The following POLR3C variants were observed in gnomAD, a reference collection of about 807,000 sequenced individuals.
POLR3C encodes the protein RNA polymerase III subunit C.
Under a neutral mutation model 65.9 loss-of-function variants are expected in POLR3C, and 44 were observed. The ratio of observed to expected loss-of-function variants is 0.67; its 90% CI spans 0.52 to 0.86. POLR3C has a LOEUF of 0.86. POLR3C is among the 40% of genes least tolerant of loss of function. POLR3C has a pLI of 0.00. For missense variants in POLR3C, 576 were observed against 653.2 expected (o/e 0.88, Z 1.29); for synonymous variants, 263 against 231.6 (o/e 1.14, Z -1.23).
chr1:145,832,806 G>A (rs1651445799), intron 5 of POLR3C, among the ~76,000 whole-genome samples: 1 of 152,164 alleles, frequency 6.6e-6, no homozygotes. Flanking sequence ...CAGATCACCT[G>A]AGGTCAGGAG....
chr1:145,829,480 G>T (rs1553726619), intron 5 of POLR3C, among the ~76,000 whole-genome samples: 1 of 152,110 alleles, frequency 6.6e-6, no homozygotes, highest in Non-Finnish European at 1.5e-5. Flanking sequence ...TTCGTTAATG[G>T]TCTCCCTAGC....
chr1:145,835,433 A>G (rs2101648953), intron 7 of POLR3C, among the ~76,000 whole-genome samples: 1 of 150,186 alleles, frequency 6.7e-6, no homozygotes. Flanking sequence ...AAACAGAGTG[A>G]GACTCTGTCT....
Position 145,842,392 on chromosome 1 carries a change from A to ACATT in POLR3C, c.1578_1581dup (p.Glu528HisfsTer2). On this transcript the variant is annotated frameshift_variant, in exon 15 of 15. Transcript: ENST00000334163. LOFTEE classifies it high-confidence loss of function. ...GAAACCATCTTCCTGCTGGAGTCTT[A>ACATT]CATTGAGTGCACCATGAAGAGACAG... The ACATT allele has an allele frequency of 1.9e-6, 3 of 1,610,654 alleles. No homozygotes were observed. Among genetic ancestry groups the ACATT allele is most frequent in the Non-Finnish European group, 2.5e-6 (3 of 1,177,248 alleles).
intron 5 of POLR3C, among the ~76,000 whole-genome samples, chr1:145,830,900 T>C (rs1251794862): frequency 1.3e-5 from 2 of 151,652 alleles, no homozygotes; most frequent in African/African-American, 4.8e-5. Context: ...GCCCAGGAGT[T>C]TGAGACCAGC....
chr1:145,826,858 T>C lies in POLR3C; in HGVS notation c.442T>C (p.Phe148Leu). Residue 148 changes from phenylalanine (F) to leucine (L), a missense_variant, in exon 4 of 15, where the codon TTT (phenylalanine) becomes CTT (leucine). Transcript: ENST00000334163. The part of the protein sequence containing the change: ...TMDYAEVSNT[F>L]VRLADTHFVQ... The stretch of plus-strand genomic sequence containing the variant: ...GGACTATGCTGAAGTATCAAACACA[T>C]TTGTGCGACTGGCAGACACACACTT... The C allele has an allele frequency of 6.2e-7, 1 of 1,612,092 alleles. No homozygotes were observed. The highest frequency in any genetic ancestry group is 8.5e-7 in the Non-Finnish European group (1 of 1,179,208).
intron 2 of POLR3C, 62 bp downstream of exon 2, chr1:145,825,985 G>A (rs754793082): frequency 7.4e-7 from 1 of 1,346,528 alleles, no homozygotes; most frequent in Non-Finnish European, 1.1e-6. Context: ...ACCCACCTTT[G>A]AATATTGTTC....
chr1:145,828,073 A>G (rs1035889096), intron 4 of POLR3C, among the ~76,000 whole-genome samples: 2 of 152,232 alleles, frequency 1.3e-5, no homozygotes, highest in African/African-American at 4.8e-5. Context: ...CATTTTTGGC[A>G]GAGGGAATAG....
intron 5 of POLR3C, among the ~76,000 whole-genome samples, chr1:145,832,370 A>T (rs906347874): frequency 6.6e-6 from 1 of 152,206 alleles, no homozygotes; most frequent in African/African-American, 2.4e-5. Context: ...TCTAGAGTAG[A>T]AAGAGACTTG....
At chr1:145,836,350 C>A (rs1651837352) in intron 7 of POLR3C, 144 bp from the exon 8 acceptor site, 2 of 637,582 alleles carry the variant, frequency 3.1e-6, no homozygotes, top group Non-Finnish European at 5.6e-6. Flanking sequence ...CAACTCTTGA[C>A]CCAAAGTGAT....
At chr1:145,830,631 T>C (rs1553726880) in intron 5 of POLR3C, among the ~76,000 whole-genome samples, 1 of 151,396 alleles carries the variant, frequency 6.6e-6, no homozygotes, top group Non-Finnish European at 1.5e-5. Flanking sequence ...AAACCCCGTC[T>C]CTACTAAAAA....
In POLR3C at chr1:145,843,971, T is replaced by G. The variant is rs1193569787; in HGVS notation, c.*1551T>G. Among the ~76,000 whole-genome samples the G allele has an allele frequency of 1.3e-5, 2 of 152,166 alleles. No individual in the cohort carries two copies. Among genetic ancestry groups the G allele is most frequent in the Admixed American group, 6.5e-5 (1 of 15,276 alleles). The stretch of plus-strand genomic sequence containing the variant: ...GAAATGGAAATCAAAATCAATGAGA[T>G]AACATCTCACCCCAATTCATTACTT... On this transcript the variant is annotated 3_prime_UTR_variant, in exon 15 of 15. Coordinates refer to ENST00000334163, the MANE Select transcript of POLR3C (RefSeq NM_006468.8).
At position 145,836,523 on chromosome 1, in the gene POLR3C, C is replaced by G. The variant is rs782086446; in HGVS notation, c.906C>G (p.Asn302Lys). 6.8e-6 allele frequency: 11 copies of G among 1,607,698 alleles called. No homozygotes were observed. The highest frequency in any genetic ancestry group is 9.4e-6 in the Non-Finnish European group (11 of 1,174,288). Reference protein sequence around the residue: ...EIFRSLPVGYNISKQVLDQYL... With the variant: ...EIFRSLPVGYKISKQVLDQYL... ...TCAGATCCCTACCTGTTGGCTATAA[C>G]ATCTCTAAGCAAGTTCTTGATCAGT... The change falls in exon 8 of 15, where the codon AAC becomes AAG. Residue 302 changes from asparagine (N) to lysine (K), a missense_variant. By Grantham distance (94) the Asn-to-Lys change is moderately conservative (BLOSUM62 0). Transcript: ENST00000334163.
At position 145,842,537 on chromosome 1, in the gene POLR3C, C is replaced by G. The variant is rs587616169; in HGVS notation, c.*117C>G. On this transcript the variant is annotated 3_prime_UTR_variant, in exon 15 of 15. Coordinates refer to ENST00000334163, the MANE Select transcript of POLR3C (RefSeq NM_006468.8). ...GCAGAGTCTTCAACTAAACCCCCCTCTCTATCCCCTGCAGCCCAGGATACA... is the reference window on the plus strand; with the variant it reads ...GCAGAGTCTTCAACTAAACCCCCCTGTCTATCCCCTGCAGCCCAGGATACA... The G allele has an allele frequency of 4.1e-5, 31 of 752,184 alleles. No homozygotes were observed. The South Asian group carries it at 4.3e-4, about 10-fold the overall frequency. 46.6% of individuals were successfully genotyped at this position (752,184 alleles called of 1,614,324 possible). A position where few individuals can be genotyped will look rare whatever the true frequency, so the allele number is the denominator to read the frequency against.
chr1:145,827,758 CAAAAAA>C (rs1163679762), intron 4 of POLR3C, among the ~76,000 whole-genome samples: 144 of 58,556 alleles, frequency 2.5e-3, no homozygotes, highest in African/African-American at 0.01. Flanking sequence ...GACTCCGTCT[CAAAAAA>C]AAAAAAAAAA....
At position 145,825,881 on chromosome 1, in the gene POLR3C, A is replaced by T; in HGVS notation, c.105A>T (p.Pro35=). ...ATCTGATAAGAACCGGCAGCCAGCC[A>T]CTAAGAGTAATTGCCCATGACACAG... ...GVHLIRTGSQ[P]LRVIAHDTGT... is the part of the protein sequence containing the mutation. The change falls in exon 2 of 15, where the codon CCA becomes CCT. Residue 35 remains proline (P), a synonymous_variant. Transcript: ENST00000334163. The T allele has an allele frequency of 6.2e-7, 1 of 1,613,720 alleles. No homozygotes were observed. Among genetic ancestry groups the T allele is most frequent in the East Asian group, 2.2e-5 (1 of 44,884 alleles).
intron 7 of POLR3C, 124 bp from the exon 8 acceptor site, chr1:145,836,370 T>C: frequency 2.9e-6 from 2 of 678,212 alleles, no homozygotes. Flanking sequence ...TCCACCTGCC[T>C]CAGCCTCCCA....
rs375268580 is a variant in POLR3C, at chr1:145,842,419, G to T, written c.1604G>T (p.Ter535LeuextTer36). The stretch of plus-strand genomic sequence containing the variant: ...ATTGAGTGCACCATGAAGAGACAGT[G>T]ATCCAGAAGAAGCATCTTCCTCAGA... The part of the protein sequence containing the change: ...SYIECTMKRQ[*>L] Residue 535 changes from the stop codon to leucine (L), a stop_lost, in exon 15 of 15, where the codon TGA becomes TTA. Transcript: ENST00000334163. 6.3e-7 allele frequency: 1 copy of T among 1,593,112 alleles called. No homozygotes were observed. The highest frequency in any genetic ancestry group is 8.6e-7 in the Non-Finnish European group (1 of 1,161,680).
chr1:145,842,657 T>C lies in POLR3C; in HGVS notation c.*237T>C, dbSNP rs1419045918. 2.6e-5 allele frequency among the ~76,000 whole-genome samples: 4 copies of C among 152,186 alleles called. No individual in the cohort carries two copies. In the East Asian group the frequency reaches 7.7e-4, roughly 29 times the overall value. On this transcript the variant is annotated 3_prime_UTR_variant, in exon 15 of 15. Transcript: ENST00000334163. ...AACCTTAAATCAACAAGGTTAATCA[T>C]CTATCAGATGCATCTGTTCCCATAA...
chr1:145,837,412 A>G (rs587627103), intron 9 of POLR3C, 124 bp from the exon 10 acceptor site: 1 of 551,860 alleles, frequency 1.8e-6, no homozygotes, highest in South Asian at 3.0e-5. Context: ...GAAACCATAA[A>G]TTATAACATG....
Sources: gnomAD v4.1 joint callset for allele counts (sites outside exome capture counted in the v4.1 genomes callset) on GRCh38, gnomAD v4.1.1 for gene constraint, MANE v1.5 for transcripts, NCBI Gene and HGNC (gene_info 2026-07-23, HGNC 2026-07-21) for gene names.